The following STK33 variants were observed in gnomAD, a reference collection of about 807,000 sequenced individuals.
STK33 encodes serine/threonine-protein kinase 33.
Under a neutral mutation model 58.0 loss-of-function variants are expected in STK33, and 52 were observed. That is an observed-to-expected ratio of 0.90 (90% CI 0.72 to 1.13). STK33 has a LOEUF of 1.13. Ranked by LOEUF, STK33 falls within the 50% of genes most tolerant of loss-of-function variation. The pLI is 0.00. For synonymous variants in STK33, 215 were observed against 200.1 expected, an observed-to-expected ratio of 1.07 and a Z score of -0.63; for missense variants, 630 against 604.2, an observed-to-expected ratio of 1.04 and a Z score of -0.45.
chr11:8,439,321 T>A (rs1344193541), intron 12 of STK33, among the ~76,000 whole-genome samples: 3 of 152,040 alleles, frequency 2.0e-5, no homozygotes, highest in Non-Finnish European at 4.4e-5. Context: ...TATATAATAT[T>A]ATAATATGGT....
intron 15 of STK33, among the ~76,000 whole-genome samples, chr11:8,399,637 A>T (rs1440605025): frequency 1.3e-5 from 2 of 152,124 alleles, no homozygotes; most frequent in African/African-American, 4.8e-5. Context: ...CTGAAGGAAA[A>T]AGATACACAA....
At chr11:8,381,262 T>TA in the STK33 span, among the ~76,000 whole-genome samples, 2 of 152,110 alleles carry the variant, frequency 1.3e-5, no homozygotes, top group East Asian at 1.9e-4. Context: ...GCTATTAAAA[T>TA]AAAAAAAATT....
chr11:8,486,704 T>C (rs1200597017), intron 1 of STK33, among the ~76,000 whole-genome samples: 1 of 152,334 alleles, frequency 6.6e-6, no homozygotes, highest in East Asian at 1.9e-4. Flanking sequence ...AAGCACATTC[T>C]ACCTTCAGTA....
chr11:8,462,470 C>T (rs529672943), intron 7 of STK33, among the ~76,000 whole-genome samples: 110 of 143,434 alleles, frequency 7.7e-4, no homozygotes, highest in African/African-American at 2.9e-3. Context: ...CACACACACA[C>T]ACATATATAT....
At chr11:8,404,178 G>C (rs1938655917) in intron 15 of STK33, among the ~76,000 whole-genome samples, 1 of 152,170 alleles carries the variant, frequency 6.6e-6, no homozygotes, top group Admixed American at 6.5e-5. Context: ...CAAATATATA[G>C]ACTTCTAAGG....
the STK33 span, among the ~76,000 whole-genome samples, chr11:8,349,147 T>C: frequency 3.9e-5 from 6 of 152,180 alleles, no homozygotes; most frequent in African/African-American, 1.4e-4. Flanking sequence ...TGTGTGACCT[T>C]AGACATGTTG....
intron 11 of STK33, among the ~76,000 whole-genome samples, chr11:8,448,610 T>C (rs950135591): frequency 6.6e-5 from 10 of 152,304 alleles, no homozygotes; most frequent in Middle Eastern, 3.4e-3. Flanking sequence ...ATCCCTTCCT[T>C]ACACCTTATA....
chr11:8,398,017 A>C (rs11827424), intron 15 of STK33, among the ~76,000 whole-genome samples: 29,389 of 152,178 alleles, frequency 0.19, 3,206 homozygotes, highest in African/African-American at 0.29. Flanking sequence ...GGAGAATGGA[A>C]CCAAGTTGGA....
At chr11:8,498,626 G>C (rs1161283046) in intron 1 of STK33, among the ~76,000 whole-genome samples, 1 of 151,998 alleles carries the variant, frequency 6.6e-6, no homozygotes, top group East Asian at 1.9e-4. Context: ...ACATTGCCAA[G>C]ACAATCCTAA....
the STK33 span, among the ~76,000 whole-genome samples, chr11:8,364,643 A>T: frequency 7.9e-5 from 12 of 152,210 alleles, no homozygotes; most frequent in Admixed American, 5.9e-4. Context: ...AGAGACTGAA[A>T]CTGCTTAATT....
chr11:8,513,495 G>T (rs753792075), intron 1 of STK33, among the ~76,000 whole-genome samples: 2 of 152,110 alleles, frequency 1.3e-5, no homozygotes, highest in Admixed American at 6.5e-5. Flanking sequence ...AGAACTATAA[G>T]TCTGATTGTA....
chr11:8,495,295 C>G (rs1950971676), intron 1 of STK33, among the ~76,000 whole-genome samples: 1 of 152,068 alleles, frequency 6.6e-6, no homozygotes, highest in African/African-American at 2.4e-5. Context: ...AGGATATGAA[C>G]AGACACTTCT....
chr11:8,429,930 A>T (rs890506005), intron 14 of STK33, among the ~76,000 whole-genome samples: 1 of 152,160 alleles, frequency 6.6e-6, no homozygotes, highest in East Asian at 1.9e-4. Context: ...GCAAGATACT[A>T]CATTCGAGTT....
At chr11:8,536,611 A>G (rs991565395) in intron 1 of STK33, among the ~76,000 whole-genome samples, 5 of 152,234 alleles carry the variant, frequency 3.3e-5, no homozygotes, top group African/African-American at 1.2e-4. Flanking sequence ...TTATTGTTTA[A>G]CAACTGAAGT....
At chr11:8,565,801 C>A (rs939088518) in intron 1 of STK33, 1 of 152,212 alleles carries the variant, frequency 6.6e-6, no homozygotes, top group Non-Finnish European at 1.5e-5. Flanking sequence ...ATCCTGTCTG[C>A]TTCTGCCTAT....
chr11:8,379,868 G>A, the STK33 span, among the ~76,000 whole-genome samples: 1 of 152,182 alleles, frequency 6.6e-6, no homozygotes, highest in African/African-American at 2.4e-5. Context: ...TTATAAGTGA[G>A]GACATGTGGT....
intron 1 of STK33, among the ~76,000 whole-genome samples, chr11:8,592,418 G>A (rs1242857101): frequency 3.3e-5 from 5 of 152,174 alleles, no homozygotes; most frequent in Admixed American, 6.5e-5. Context: ...GTTAAAATAA[G>A]GAGGTGCCAT....
rs557809623 is a variant in STK33, at chr11:8,406,100, G to A, written c.1344+7395C>T. The stretch of plus-strand genomic sequence containing the variant: ...GGAGCTTGCAGTGAGCCGAGATCGC[G>A]CCACCGCACTCCAGGCTGGGTGACA... On this transcript the variant is annotated intron_variant, in intron 15 of 15. Transcript: ENST00000687296. 3.1e-3 allele frequency among the ~76,000 whole-genome samples: 417 copies of A among 133,966 alleles called. 2 individuals are homozygous for A. Among genetic ancestry groups the A allele is most frequent in the African/African-American group, 0.011 (398 of 36,798 alleles). 87.9% of individuals were successfully genotyped at this position (133,966 alleles called of 152,430 possible).
At chr11:8,489,025 G>A (rs951255786) in intron 1 of STK33, among the ~76,000 whole-genome samples, 2 of 152,104 alleles carry the variant, frequency 1.3e-5, no homozygotes, top group Non-Finnish European at 2.9e-5. Context: ...TTGGGAAGCT[G>A]AGGGGGAAGA....
Sources: gnomAD v4.1 joint callset for allele counts (sites outside exome capture counted in the v4.1 genomes callset) on GRCh38, gnomAD v4.1.1 for gene constraint, MANE v1.5 for transcripts, NCBI Gene and HGNC (gene_info 2026-07-23, HGNC 2026-07-21) for gene names.